The following DYNC2H1 variants were observed in gnomAD, a reference collection of about 807,000 sequenced individuals.
DYNC2H1 encodes dynein cytoplasmic 2 heavy chain 1, also known as cytoplasmic dynein 2 heavy chain 1.
In DYNC2H1, 410 loss-of-function variants were observed where a neutral mutation model predicts 570.0. The observed-to-expected ratio is 0.72, with a 90% CI of 0.66 to 0.78. The LOEUF is 0.78. Ranked by LOEUF, DYNC2H1 falls within the 30% of genes least tolerant of loss-of-function variation. The pLI, the probability that DYNC2H1 is intolerant of heterozygous loss-of-function variation, is 0.00. For missense variants in DYNC2H1, 4,865 were observed against 5,046.4 expected (o/e 0.96, Z 1.09); for synonymous variants, 1,688 against 1,677.6 (o/e 1.01, Z -0.15).
At chr11:103,292,552 C>T (rs1230338143) in intron 75 of DYNC2H1, among the ~76,000 whole-genome samples, 3 of 152,100 alleles carry the variant, frequency 2.0e-5, no homozygotes, top group African/African-American at 4.8e-5. Context: ...TTTGAATATA[C>T]GTCCCTAGCA....
At chr11:103,153,863 A>G (rs1860686328) in intron 22 of DYNC2H1, among the ~76,000 whole-genome samples, 1 of 151,934 alleles carries the variant, frequency 6.6e-6, no homozygotes, top group Admixed American at 6.6e-5. Context: ...ATCTAGCATA[A>G]TAAGTAATAA....
chr11:103,222,636 T>G (rs1244602705), intron 58 of DYNC2H1, among the ~76,000 whole-genome samples: 1 of 152,160 alleles, frequency 6.6e-6, no homozygotes, highest in Non-Finnish European at 1.5e-5. Flanking sequence ...ATCACATGTA[T>G]AGAAGAAAAA....
At chr11:103,373,593 A>T (rs1941267932) in intron 83 of DYNC2H1, among the ~76,000 whole-genome samples, 1 of 152,140 alleles carries the variant, frequency 6.6e-6, no homozygotes, top group Non-Finnish European at 1.5e-5. Context: ...AAATCTCTTA[A>T]AACTTATTTT....
chr11:103,202,805 G>T (rs1862776548), intron 50 of DYNC2H1, among the ~76,000 whole-genome samples: 2 of 152,126 alleles, frequency 1.3e-5, no homozygotes, highest in Admixed American at 1.3e-4. Context: ...CCTCTTATAT[G>T]CAGGACCAAG....
At position 103,245,409 on chromosome 11, in the gene DYNC2H1, T is replaced by C; in HGVS notation, c.10042+35T>C. 1 of 1,527,360 alleles carries C rather than the reference T, an allele frequency of 6.5e-7. No homozygotes were observed. Among genetic ancestry groups the C allele is most frequent in the Non-Finnish European group, 8.8e-7 (1 of 1,140,774 alleles). 94.6% of individuals were successfully genotyped at this position (1,527,360 alleles called of 1,614,324 possible). ...TGACACTTTCCAGAGTGTAAATATTTTTAAAATTTCCAAAGTAAGTAATTA... is the reference window on the plus strand; with the variant it reads ...TGACACTTTCCAGAGTGTAAATATTCTTAAAATTTCCAAAGTAAGTAATTA... On this transcript the variant is annotated intron_variant, in intron 65 of 88. Transcript: ENST00000375735. The surrounding 1 kb of genome is among the most constrained non-coding windows in gnomAD (Gnocchi z 4.5).
At chr11:103,359,987 A>C (rs887086984) in intron 83 of DYNC2H1, among the ~76,000 whole-genome samples, 5 of 152,060 alleles carry the variant, frequency 3.3e-5, no homozygotes, top group Admixed American at 1.3e-4. Flanking sequence ...TGGAATGTAG[A>C]TATAGCCCAT....
chr11:103,409,246 C>G (rs1436405992), intron 84 of DYNC2H1, among the ~76,000 whole-genome samples: 1 of 151,988 alleles, frequency 6.6e-6, no homozygotes, highest in East Asian at 1.9e-4. Context: ...CTTATTGTAT[C>G]ACTTATTAAT....
chr11:103,472,337 C>CA lies in DYNC2H1; in HGVS notation c.12765+3634dup, dbSNP rs1157170310. On this transcript the variant is annotated intron_variant, in intron 88 of 88. Coordinates refer to ENST00000375735, the MANE Select transcript of DYNC2H1 (RefSeq NM_001377.3). This position sits in a 1 kb window ranked among gnomAD's most constrained non-coding sequence, Gnocchi z 4.1. Reference sequence around the variant, plus strand: ...CCCAGGAGTTAGAGCCTGGCTTGGGCAACATAGCAAGACCCCATCTTTATT... The same window carrying CA: ...CCCAGGAGTTAGAGCCTGGCTTGGGCAAACATAGCAAGACCCCATCTTTATT... 2.0e-5 allele frequency among the ~76,000 whole-genome samples: 3 copies of CA among 151,008 alleles called. No individual in the cohort carries two copies. The highest frequency in any genetic ancestry group is 7.3e-5 in the African/African-American group (3 of 41,040).
At chr11:103,387,204 G>A (rs2135595120) in intron 83 of DYNC2H1, among the ~76,000 whole-genome samples, 1 of 152,310 alleles carries the variant, frequency 6.6e-6, no homozygotes, top group African/African-American at 2.4e-5. Flanking sequence ...TAACTGGTGT[G>A]AGATGGTATC....
At chr11:103,412,969 C>G (rs889963134) in intron 84 of DYNC2H1, among the ~76,000 whole-genome samples, 3 of 152,112 alleles carry the variant, frequency 2.0e-5, no homozygotes, top group African/African-American at 7.2e-5. Flanking sequence ...TTAGCATCAC[C>G]TGAGACCTTG....
intron 88 of DYNC2H1, among the ~76,000 whole-genome samples, chr11:103,476,074 A>G (rs1292305087): frequency 6.6e-6 from 1 of 151,934 alleles, no homozygotes; most frequent in African/African-American, 2.4e-5. Context: ...GCTCTTTGCC[A>G]AAGAATGTAA....
chr11:103,458,880 CA>C (rs1223348563), intron 87 of DYNC2H1, among the ~76,000 whole-genome samples: 1 of 152,102 alleles, frequency 6.6e-6, no homozygotes, highest in African/African-American at 2.4e-5. Flanking sequence ...TTAAAAACTT[CA>C]AGCTGGTCTC....
intron 83 of DYNC2H1, among the ~76,000 whole-genome samples, chr11:103,361,518 A>G (rs1248017807): frequency 1.3e-4 from 20 of 152,296 alleles, no homozygotes; most frequent in Admixed American, 2.0e-4. Context: ...TCCAAGTGCA[A>G]TGGGAAACCA....
rs1473701519 is a variant in DYNC2H1 at position 103,151,860 on chromosome 11, C to A, written c.2947-276C>A. Among the ~76,000 whole-genome samples the A allele has an allele frequency of 2.6e-5, 4 of 152,048 alleles. No individual in the cohort carries two copies. Among genetic ancestry groups the A allele is most frequent in the Non-Finnish European group, 5.9e-5 (4 of 67,978 alleles). On this transcript the variant is annotated intron_variant, in intron 20 of 88. Transcript: ENST00000375735. This position sits in a 1 kb window ranked among gnomAD's most constrained non-coding sequence, Gnocchi z 4.6. ...ACTGTAGTATTATCTTTATGGATTT[C>A]ATTTAGTCTCATATTACTACTTTAT...
intron 62 of DYNC2H1, 94 bp from the exon 63 acceptor site, chr11:103,236,336 T>C: frequency 1.3e-6 from 1 of 799,170 alleles, no homozygotes; most frequent in Non-Finnish European, 2.2e-6. Flanking sequence ...AGGACTGTCA[T>C]AGGACTTTTG....
intron 83 of DYNC2H1, among the ~76,000 whole-genome samples, chr11:103,361,069 C>T (rs1940611033): frequency 6.6e-6 from 1 of 152,134 alleles, no homozygotes; most frequent in African/African-American, 2.4e-5. Context: ...GAAAGGATGT[C>T]AGTGTGATTG....
intron 61 of DYNC2H1, 83 bp from the exon 62 acceptor site, chr11:103,235,589 A>C: frequency 7.6e-7 from 1 of 1,316,578 alleles, no homozygotes; most frequent in Non-Finnish European, 1.0e-6. Flanking sequence ...TCCCCCTCAC[A>C]GTCAAAACCA....
chr11:103,274,331 G>C (rs12296017), intron 70 of DYNC2H1, among the ~76,000 whole-genome samples: 759 of 152,112 alleles, frequency 5.0e-3, no homozygotes, highest in African/African-American at 0.018. Flanking sequence ...CTGCACCCCA[G>C]CCTGGGCAAC....
chr11:103,331,441 G>A (rs1938787033), intron 82 of DYNC2H1, among the ~76,000 whole-genome samples: 1 of 152,054 alleles, frequency 6.6e-6, no homozygotes, highest in Non-Finnish European at 1.5e-5. Context: ...GTAGACCCCT[G>A]CTTTATATAA....
Sources: gnomAD v4.1 joint callset for allele counts (sites outside exome capture counted in the v4.1 genomes callset) on GRCh38, gnomAD v4.1.1 for gene constraint, Gnocchi (gnomAD v3.1) non-coding constraint, MANE v1.5 for transcripts, NCBI Gene and HGNC (gene_info 2026-07-23, HGNC 2026-07-21) for gene names.